The following ACBD6 variants were observed in gnomAD, a reference collection of about 807,000 sequenced individuals.
The protein encoded by ACBD6 is acyl-CoA-binding domain-containing protein 6.
Under a neutral mutation model 37.2 loss-of-function variants are expected in ACBD6, and 28 were observed. The observed-to-expected ratio is 0.75, with a 90% confidence interval of 0.56 to 1.03. ACBD6 has a LOEUF of 1.03. Ranked by LOEUF, ACBD6 falls within the 50% of genes least tolerant of loss-of-function variation. The pLI is 0.00. For synonymous variants in ACBD6, 113 were observed against 126.8 expected, an observed-to-expected ratio of 0.89 and a Z score of 0.73; for missense variants, 340 against 337.4, an observed-to-expected ratio of 1.01 and a Z score of -0.06.
intron 3 of ACBD6, among the ~76,000 whole-genome samples, chr1:180,457,794 T>G (rs57283782): frequency 7.0e-5 from 8 of 113,944 alleles, no homozygotes; most frequent in Non-Finnish European, 1.2e-4. Context: ...AAATTAACTG[T>G]TTTTTTTTTT....
intron 6 of ACBD6, among the ~76,000 whole-genome samples, chr1:180,379,644 T>A (rs780443711): frequency 5.9e-5 from 9 of 151,794 alleles, no homozygotes; most frequent in Non-Finnish European, 1.3e-4. Context: ...ACAGAATAGA[T>A]CAAACAGAAG....
chr1:180,456,167 G>A (rs780739830), intron 3 of ACBD6, among the ~76,000 whole-genome samples: 5 of 145,244 alleles, frequency 3.4e-5, no homozygotes, highest in African/African-American at 5.2e-5. Context: ...AGCCAAGATT[G>A]CACCACTGCT....
intron 6 of ACBD6, among the ~76,000 whole-genome samples, chr1:180,355,625 A>G (rs1652595078): frequency 6.6e-6 from 1 of 152,002 alleles, no homozygotes; most frequent in South Asian, 2.1e-4. Context: ...TGTACTATAT[A>G]TATCTCTGGT....
chr1:180,275,647 A>AGTT (rs1237099055), intron 9 of ACBD6: 1 of 152,224 alleles, frequency 6.6e-6, no homozygotes, highest in Non-Finnish European at 1.5e-5. Flanking sequence ...ATTGGAGGAC[A>AGTT]GTTTTGGTCA....
At chr1:180,385,050 A>G (rs1006347703) in intron 6 of ACBD6, among the ~76,000 whole-genome samples, 1 of 152,132 alleles carries the variant, frequency 6.6e-6, no homozygotes, top group Non-Finnish European at 1.5e-5. Context: ...AATAGGTATA[A>G]ACATACAGTT....
chr1:180,428,086 T>C (rs938588375), intron 4 of ACBD6, among the ~76,000 whole-genome samples: 4 of 152,166 alleles, frequency 2.6e-5, no homozygotes, highest in African/African-American at 9.7e-5. Flanking sequence ...GTGTTTGTAA[T>C]AGTTAAACAG....
At chr1:180,308,237 A>G (rs1379477283) in intron 7 of ACBD6, among the ~76,000 whole-genome samples, 1 of 152,074 alleles carries the variant, frequency 6.6e-6, no homozygotes, top group Admixed American at 6.5e-5. Flanking sequence ...CTTTGATTTT[A>G]TACAGACTTA....
rs556945095 is a variant in ACBD6, at chr1:180,460,366, A to G, written c.385-30104T>C. On this transcript the variant is annotated intron_variant, in intron 3 of 7. Coordinates refer to ENST00000367595, the MANE Select transcript of ACBD6 (RefSeq NM_032360.4). ...CCAGCCTCCAGGCTTTGGAGAGCCC[A>G]ACCCAACAGGTCGCAGAAACGGTAC... 5.9e-5 allele frequency among the ~76,000 whole-genome samples: 9 copies of G among 151,718 alleles called. No individual in the cohort carries two copies. The South Asian group carries it at 1.9e-3, about 32-fold the overall frequency.
In ACBD6 at chr1:180,398,006, T is replaced by A. The variant is rs1044172188; in HGVS notation, c.574-401A>T. Among the ~76,000 whole-genome samples, 2 of 151,976 alleles carry A rather than the reference T, an allele frequency of 1.3e-5. 1 individual carries two copies. The highest frequency in any genetic ancestry group is 2.9e-5 in the Non-Finnish European group (2 of 68,008). Reference sequence around the variant, plus strand: ...AGGCGGAGGTTGCAGTGGGCCGAGATTGTACCACTGCACTCCAGCCTGGGT... The same window carrying A: ...AGGCGGAGGTTGCAGTGGGCCGAGAATGTACCACTGCACTCCAGCCTGGGT... On this transcript the variant is annotated intron_variant, in intron 5 of 7. Coordinates refer to ENST00000367595, the MANE Select transcript of ACBD6 (RefSeq NM_032360.4).
At chr1:180,334,099 G>C (rs1201868343) in intron 6 of ACBD6, among the ~76,000 whole-genome samples, 5 of 152,230 alleles carry the variant, frequency 3.3e-5, no homozygotes, top group African/African-American at 1.2e-4. Context: ...GCAGGGCATA[G>C]TCAAACAAAA....
chr1:180,459,157 ATAACT>A (rs1316661832), intron 3 of ACBD6, among the ~76,000 whole-genome samples: 1 of 152,234 alleles, frequency 6.6e-6, no homozygotes, highest in Non-Finnish European at 1.5e-5. Flanking sequence ...AGTCTAACAG[ATAACT>A]TAAAATATTC....
chr1:180,318,569 C>T (rs1358085879), intron 6 of ACBD6, among the ~76,000 whole-genome samples: 2 of 152,044 alleles, frequency 1.3e-5, no homozygotes, highest in African/African-American at 4.8e-5. Context: ...GTCAAGCATC[C>T]CAGATATATT....
At chr1:180,452,649 TAAC>T in intron 3 of ACBD6, among the ~76,000 whole-genome samples, 1 of 151,716 alleles carries the variant, frequency 6.6e-6, no homozygotes, top group Non-Finnish European at 1.5e-5. Flanking sequence ...TTGAAAAGAT[TAAC>T]AAAGTAGACT....
chr1:180,385,844 T>C (rs1286120572), intron 6 of ACBD6, among the ~76,000 whole-genome samples: 1 of 152,242 alleles, frequency 6.6e-6, no homozygotes, highest in East Asian at 1.9e-4. Context: ...GCGGACCAAG[T>C]AGACTAACAC....
intron 6 of ACBD6, among the ~76,000 whole-genome samples, chr1:180,340,919 A>T (rs976796122): frequency 5.3e-5 from 8 of 152,144 alleles, no homozygotes; most frequent in Non-Finnish European, 1.2e-4. Context: ...CGAGATATCT[A>T]AATTTTGAGG....
At chr1:180,271,952 A>G (rs766870694) in exon 14 of ACBD6, 2 of 1,612,530 alleles carry the variant, frequency 1.2e-6, no homozygotes, top group Non-Finnish European at 1.7e-6. Flanking sequence ...CAAGCAGGAG[A>G]AGGAGAGCTC....
chr1:180,493,314 T>C (rs1301496269), intron 2 of ACBD6, among the ~76,000 whole-genome samples: 5 of 144,298 alleles, frequency 3.5e-5, no homozygotes, highest in African/African-American at 1.0e-4. Context: ...ATGAGTAAGT[T>C]AGGGACTTCC....
intron 1 of ACBD6, among the ~76,000 whole-genome samples, chr1:180,500,924 C>A (rs1383949125): frequency 6.6e-6 from 1 of 151,650 alleles, no homozygotes; most frequent in Non-Finnish European, 1.5e-5. Flanking sequence ...TCTCTGTAGG[C>A]ATTATACCCA....
intron 3 of ACBD6, among the ~76,000 whole-genome samples, chr1:180,450,577 T>C (rs1472228503): frequency 6.6e-6 from 1 of 152,016 alleles, no homozygotes; most frequent in Non-Finnish European, 1.5e-5. Flanking sequence ...GCTAACACAG[T>C]GAAACTCCGT....
Sources: gnomAD v4.1 joint callset for allele counts (sites outside exome capture counted in the v4.1 genomes callset) on GRCh38, gnomAD v4.1.1 for gene constraint, MANE v1.5 for transcripts, NCBI Gene and HGNC (gene_info 2026-07-23, HGNC 2026-07-21) for gene names.